GPT2: variants seen among roughly 807,000 people sequenced by gnomAD.
GPT2 encodes the protein alanine aminotransferase 2.
GPT2 carries 30 observed loss-of-function variants against 56.9 expected under a neutral mutation model. That is an observed-to-expected ratio of 0.53 (90% CI 0.39 to 0.72). The LOEUF (loss-of-function observed/expected upper bound fraction) is 0.72. Among genes scored for constraint, GPT2 ranks in the 30% least tolerant of loss-of-function variants. The pLI, the probability that GPT2 is intolerant of heterozygous loss-of-function variation, is 0.00. For missense variants in GPT2, 542 were observed against 703.4 expected (o/e 0.77, Z 2.60); for synonymous variants, 271 against 283.1 (o/e 0.96, Z 0.43).
intron 4 of GPT2, among the ~76,000 whole-genome samples, chr16:46,906,534 G>A (rs1215622903): frequency 6.6e-6 from 1 of 152,180 alleles, no homozygotes; most frequent in African/African-American, 2.4e-5. Context: ...ATTTGACTGA[G>A]TAGAAGCCAG....
chr16:46,922,286 C>T lies in GPT2; in HGVS notation c.1082C>T (p.Pro361Leu). The change falls in exon 9 of 12, where the codon CCT becomes CTT. Residue 361 changes from proline to leucine, a missense_variant. Transcript: ENST00000340124. The part of the protein sequence containing the change: ...GGYMEVINLH[P>L]EIKGQLVKLL... The stretch of plus-strand genomic sequence containing the variant: ...TACATGGAGGTGATCAACCTGCACC[C>T]TGAGATCAAGGGCCAGCTGGTGAAG... 2 of 1,614,156 alleles carry T rather than the reference C, an allele frequency of 1.2e-6. No individual in the cohort carries two copies. The highest frequency in any genetic ancestry group is 1.7e-6 in the Non-Finnish European group (2 of 1,180,032).
chr16:46,894,965 G>A (rs996862971), intron 2 of GPT2, among the ~76,000 whole-genome samples: 1 of 151,908 alleles, frequency 6.6e-6, no homozygotes, highest in Non-Finnish European at 1.5e-5. Context: ...GCACCTGGCC[G>A]CCACTGAGAA....
intron 9 of GPT2, chr16:46,923,861 C>G (rs1961345903): frequency 8.0e-6 from 2 of 249,268 alleles, no homozygotes; most frequent in Admixed American, 1.0e-4. Context: ...GAAGCATGTT[C>G]TGAGGAATTC....
chr16:46,917,180 G>A (rs544972097), intron 7 of GPT2, among the ~76,000 whole-genome samples: 14 of 152,230 alleles, frequency 9.2e-5, no homozygotes, highest in African/African-American at 2.6e-4. Flanking sequence ...TGAGTCACAC[G>A]CCCATTGCTG....
At position 46,929,161 on chromosome 16, in the gene GPT2, G is replaced by A; in HGVS notation, c.*164G>A. The A allele has an allele frequency of 1.6e-6, 1 of 619,594 alleles. No homozygotes were observed. Among genetic ancestry groups the A allele is most frequent in the Non-Finnish European group, 2.9e-6 (1 of 344,618 alleles). 38.4% of individuals were successfully genotyped at this position (619,594 alleles called of 1,614,324 possible). On this transcript the variant is annotated 3_prime_UTR_variant, in exon 12 of 12. Coordinates refer to ENST00000340124, the MANE Select transcript of GPT2 (RefSeq NM_133443.4). ...ACGTCTTTCTTTGTGCCTTGATGTTGAGAGCGCCTCTCTTTTGAGCAAACA... is the reference window on the plus strand; with the variant it reads ...ACGTCTTTCTTTGTGCCTTGATGTTAAGAGCGCCTCTCTTTTGAGCAAACA...
chr16:46,916,618 G>T lies in GPT2; in HGVS notation c.821-10G>T, dbSNP rs2305400. On this transcript the variant is annotated splice_polypyrimidine_tract_variant and intron_variant, in intron 6 of 11. Transcript: ENST00000340124. ...CAACCGACATTTTGGTTTTCTTGGG[G>T]ATTTTATAGGCCAGGTACAAAGCAG... 11 of 1,610,820 alleles carry T rather than the reference G, an allele frequency of 6.8e-6. No homozygotes were observed. In the East Asian group the frequency reaches 2.5e-4, roughly 36 times the overall value.
chr16:46,915,604 A>G (rs2143508770), intron 6 of GPT2: 1 of 149,710 alleles, frequency 6.7e-6, no homozygotes, highest in South Asian at 2.1e-4. Flanking sequence ...CCACACCTAC[A>G]CACACACCAA....
At chr16:46,892,213 C>T (rs1960600114) in intron 2 of GPT2, among the ~76,000 whole-genome samples, 1 of 152,116 alleles carries the variant, frequency 6.6e-6, no homozygotes, top group African/African-American at 2.4e-5. Context: ...GCTTTTTTCA[C>T]TTCACATAGT....
At chr16:46,928,484 G>A (rs377226110) in intron 11 of GPT2, among the ~76,000 whole-genome samples, 2 of 151,726 alleles carry the variant, frequency 1.3e-5, no homozygotes, top group Non-Finnish European at 2.9e-5. Flanking sequence ...TTAGCTGGGC[G>A]TGGTGGCAGG....
intron 6 of GPT2, chr16:46,915,640 C>G (rs1475751333): frequency 6.7e-6 from 1 of 149,610 alleles, no homozygotes; most frequent in African/African-American, 2.5e-5. Flanking sequence ...CCCCACCACA[C>G]CTGCACACAT....
chr16:46,924,406 G>C lies in GPT2; in HGVS notation c.1230G>C (p.Leu410=), dbSNP rs1388642921. The C allele has an allele frequency of 4.3e-6, 7 of 1,614,092 alleles. No individual in the cohort carries two copies. The African/African-American group carries it at 5.3e-5, about 12-fold the overall frequency. ...EQFSREKESV[L]GNLAKKAKLT... ...CTCATCAGGAGAAGGAGTCGGTCCT[G>C]GGTAATCTGGCCAAAAAAGCAAAGC... The change falls in exon 10 of 12, where the codon CTG becomes CTC. Residue 410 remains leucine (L), a synonymous_variant. Transcript: ENST00000340124.
At chr16:46,925,735 G>A (rs1460252185) in intron 10 of GPT2, among the ~76,000 whole-genome samples, 6 of 152,076 alleles carry the variant, frequency 3.9e-5, no homozygotes, top group Non-Finnish European at 5.9e-5. Context: ...GAGGTGGGAG[G>A]ATCGCCTGAG....
chr16:46,900,893 C>A, intron 4 of GPT2, 103 bp downstream of exon 4: 1 of 851,016 alleles, frequency 1.2e-6, no homozygotes, highest in Non-Finnish European at 1.9e-6. Context: ...GGTGTGTGAA[C>A]GTGTGTGGGT....
intron 11 of GPT2, among the ~76,000 whole-genome samples, chr16:46,927,245 A>G (rs1023714407): frequency 1.3e-5 from 2 of 152,188 alleles, no homozygotes; most frequent in African/African-American, 4.8e-5. Context: ...GCTCAGGGTT[A>G]TATTCCCTGA....
At position 46,930,932 on chromosome 16, in the gene GPT2, G is replaced by A. The variant is rs1295458310; in HGVS notation, c.*1935G>A. 2 of 152,614 alleles carry A rather than the reference G, an allele frequency of 1.3e-5. No homozygotes were observed. The highest frequency in any genetic ancestry group is 4.8e-5 in the African/African-American group (2 of 41,438). 9.5% of individuals were successfully genotyped at this position (152,614 alleles called of 1,614,324 possible). A position where few individuals can be genotyped will look rare whatever the true frequency, so the allele number is the denominator to read the frequency against. Reference sequence around the variant, plus strand: ...TAGGAATGCTGATCATGATAGGTTTGGTTTTCTACAGATTCTGTTCCGGTG... The same window carrying A: ...TAGGAATGCTGATCATGATAGGTTTAGTTTTCTACAGATTCTGTTCCGGTG... On this transcript the variant is annotated 3_prime_UTR_variant, in exon 12 of 12. Coordinates refer to ENST00000340124, the MANE Select transcript of GPT2 (RefSeq NM_133443.4).
chr16:46,903,616 A>G (rs1567336785), intron 4 of GPT2, among the ~76,000 whole-genome samples: 1 of 152,178 alleles, frequency 6.6e-6, no homozygotes, highest in Non-Finnish European at 1.5e-5. Context: ...AACTTCATTT[A>G]TGTTCTGTTT....
chr16:46,901,167 C>T (rs898204029), intron 4 of GPT2, among the ~76,000 whole-genome samples: 1 of 152,224 alleles, frequency 6.6e-6, no homozygotes, highest in Non-Finnish European at 1.5e-5. Context: ...TCTCTGTGGC[C>T]TCCAGCTCTG....
At chr16:46,915,575 T>TA (rs1961134892) in intron 6 of GPT2, 2 of 66,016 alleles carry the variant, frequency 3.0e-5, no homozygotes, top group African/African-American at 1.2e-4. Context: ...ACACGCAACA[T>TA]ATACAGACAC....
intron 1 of GPT2, 56 bp from the exon 2 acceptor site, chr16:46,884,638 T>C (rs1429945212): frequency 2.3e-6 from 3 of 1,325,384 alleles, no homozygotes; most frequent in East Asian, 5.7e-5. Context: ...TGTGGGGGAG[T>C]GCTGCACGCC....
Sources: gnomAD v4.1 joint callset for allele counts (sites outside exome capture counted in the v4.1 genomes callset) on GRCh38, gnomAD v4.1.1 for gene constraint, MANE v1.5 for transcripts, NCBI Gene and HGNC (gene_info 2026-07-23, HGNC 2026-07-21) for gene names.